Variants in MAX observed in about 807,000 individuals in gnomAD.
MAX encodes the protein MYC associated transcriptional regulator X.
A neutral mutation model predicts 22.3 loss-of-function variants in MAX; 3 were observed. The observed-to-expected ratio is 0.13, with a 90% CI of 0.06 to 0.35. The LOEUF is 0.35. Among genes scored for constraint, MAX ranks in the 10% least tolerant of loss-of-function variants. MAX has a pLI of 1.00. For missense variants in MAX, 119 were observed against 209.4 expected, an observed-to-expected ratio of 0.57 and a Z score of 2.66; for synonymous variants, 72 against 77.7, an observed-to-expected ratio of 0.93 and a Z score of 0.39.
chr14:65,061,017 CTAGA>C (rs774318033), intron 3 of MAX, among the ~76,000 whole-genome samples: 19 of 151,766 alleles, frequency 1.3e-4, no homozygotes, highest in Non-Finnish European at 2.1e-4. Flanking sequence ...GTCCCATGTA[CTAGA>C]TAGTTTTAGC....
rs1268190051 is a variant in MAX, at chr14:65,009,268, C to G, written c.172-2984G>C. Among the ~76,000 whole-genome samples, 1 of 152,110 alleles carries G rather than the reference C, an allele frequency of 6.6e-6. No homozygotes were observed. The highest frequency in any genetic ancestry group is 1.5e-5 in the Non-Finnish European group (1 of 68,014). On this transcript the variant is annotated intron_variant, in intron 3 of 3. Coordinates refer to the MAX transcript ENST00000341653. This position sits in a 1 kb window ranked among gnomAD's most constrained non-coding sequence, Gnocchi z 4.2. Reference sequence around the variant, plus strand: ...TTTCTGGAGGCCAGAAGTCTAAGACCAAGGTGTCAGCAGGCTTGGTTTCTC... The same window carrying G: ...TTTCTGGAGGCCAGAAGTCTAAGACGAAGGTGTCAGCAGGCTTGGTTTCTC...
At position 65,023,879 on chromosome 14, in the gene MAX, T is replaced by G. The variant is rs1311326528; in HGVS notation, c.172-17595A>C. On this transcript the variant is annotated intron_variant, in intron 3 of 3. Transcript: ENST00000341653. This position sits in a 1 kb window ranked among gnomAD's most constrained non-coding sequence, Gnocchi z 4.1. ...ACTTTGGGAGGCCAAGGCGGGCGGA[T>G]TGTCTGAGCTCGGGAGTTCGAGACC... 6.6e-6 allele frequency among the ~76,000 whole-genome samples: 1 copy of G among 152,110 alleles called. No individual in the cohort carries two copies. Among genetic ancestry groups the G allele is most frequent in the East Asian group, 1.9e-4 (1 of 5,192 alleles).
At chr14:65,051,456 C>T (rs571470855) in intron 3 of MAX, among the ~76,000 whole-genome samples, 13 of 151,982 alleles carry the variant, frequency 8.6e-5, no homozygotes, top group African/African-American at 2.9e-4. Flanking sequence ...ACTAAAAATA[C>T]AAGAATTAGC....
intron 3 of MAX, among the ~76,000 whole-genome samples, chr14:65,056,063 C>T (rs2062729564): frequency 6.6e-6 from 1 of 152,102 alleles, no homozygotes; most frequent in African/African-American, 2.4e-5. Flanking sequence ...TGTTTTTGTG[C>T]TATTGCTACA....
At chr14:65,064,234 T>C (rs1242178118) in intron 3 of MAX, among the ~76,000 whole-genome samples, 1 of 152,234 alleles carries the variant, frequency 6.6e-6, no homozygotes, top group Admixed American at 6.5e-5. Flanking sequence ...TAGTAAGGAT[T>C]GGACCAAGCA....
rs747874757 is a variant in MAX at position 65,076,611 on chromosome 14, G to T, written c.348C>A (p.Pro116=). The T allele has an allele frequency of 6.2e-7, 1 of 1,614,114 alleles. No homozygotes were observed. The highest frequency in any genetic ancestry group is 8.5e-7 in the Non-Finnish European group (1 of 1,180,014). ...RSSAQLQTNY[P]SSDNSLYTNA... Reference sequence around the variant, plus strand: ...TGGTGTAGAGGCTGTTGTCTGAGGAGGGGTAGTTGGTCTGCAGTTGGGCAC... The same window carrying T: ...TGGTGTAGAGGCTGTTGTCTGAGGATGGGTAGTTGGTCTGCAGTTGGGCAC... Residue 116 remains proline, a synonymous_variant, in exon 5 of 5, where the codon CCC becomes CCA. Transcript: ENST00000358664. The surrounding 1 kb of genome is among the most constrained non-coding windows in gnomAD (Gnocchi z 6.6).
At chr14:65,041,090 G>T (rs112995565) in intron 3 of MAX, among the ~76,000 whole-genome samples, 4 of 152,166 alleles carry the variant, frequency 2.6e-5, no homozygotes, top group African/African-American at 4.8e-5. Context: ...TCCCCCTTCT[G>T]CCTTTCTGTC....
At chr14:65,057,576 A>AGG (rs2062765793) in intron 3 of MAX, among the ~76,000 whole-genome samples, 1 of 152,234 alleles carries the variant, frequency 6.6e-6, no homozygotes, top group African/African-American at 2.4e-5. Context: ...AGACAAAAGG[A>AGG]GGCACACATT....
intron 3 of MAX, among the ~76,000 whole-genome samples, chr14:65,058,540 A>G (rs8007110): frequency 0.23 from 34,742 of 152,102 alleles, 7,253 homozygotes; most frequent in African/African-American, 0.56. Flanking sequence ...GCTCCTGATT[A>G]TAATGGGAAG....
chr14:65,082,915 G>A lies in MAX; in HGVS notation c.172-4879C>T, dbSNP rs1461474360. 6.6e-6 allele frequency among the ~76,000 whole-genome samples: 1 copy of A among 152,166 alleles called. No individual in the cohort carries two copies. The highest frequency in any genetic ancestry group is 1.5e-5 in the Non-Finnish European group (1 of 68,036). ...AAAGGAAAAGCCTCAAGATGCAAGCGAGCTTGAGAGAACTGACCTAACCAT... is the reference window on the plus strand; with the variant it reads ...AAAGGAAAAGCCTCAAGATGCAAGCAAGCTTGAGAGAACTGACCTAACCAT... On this transcript the variant is annotated intron_variant, in intron 3 of 4. Coordinates refer to ENST00000358664, the MANE Select transcript of MAX (RefSeq NM_002382.5). The surrounding 1 kb of genome is among the most constrained non-coding windows in gnomAD (Gnocchi z 4.8).
intron 3 of MAX, among the ~76,000 whole-genome samples, chr14:65,059,631 T>C (rs2062816057): frequency 6.6e-6 from 1 of 152,128 alleles, no homozygotes; most frequent in South Asian, 2.1e-4. Flanking sequence ...TCTCCTGCAG[T>C]TGTGTCCCCT....
intron 3 of MAX, among the ~76,000 whole-genome samples, chr14:65,064,818 A>G (rs907948769): frequency 6.6e-5 from 10 of 152,236 alleles, no homozygotes; most frequent in African/African-American, 2.2e-4. Flanking sequence ...TAGAGAGGCA[A>G]ATGGCCATTG....
chr14:65,064,163 A>G (rs1263092226), intron 3 of MAX, among the ~76,000 whole-genome samples: 1 of 152,204 alleles, frequency 6.6e-6, no homozygotes, highest in Non-Finnish European at 1.5e-5. Context: ...ATTATTGAGC[A>G]TTCTTCCATA....
At chr14:65,099,632 G>T (rs971773572) in intron 2 of MAX, among the ~76,000 whole-genome samples, 20 of 152,054 alleles carry the variant, frequency 1.3e-4, no homozygotes, top group African/African-American at 4.6e-4. Flanking sequence ...GCAAAGGAAG[G>T]CTAAACGATC....
chr14:65,010,561 C>T (rs1445926385), intron 3 of MAX, among the ~76,000 whole-genome samples: 1 of 152,204 alleles, frequency 6.6e-6, no homozygotes, highest in Non-Finnish European at 1.5e-5. Flanking sequence ...TGTCTCCCCA[C>T]CCCATCTGTC....
intron 3 of MAX, among the ~76,000 whole-genome samples, chr14:65,020,375 A>G (rs1190112552): frequency 6.6e-6 from 1 of 152,026 alleles, no homozygotes; most frequent in East Asian, 1.9e-4. Context: ...AGCCTCCCAA[A>G]ACACTGGGAT....
Position 65,062,827 on chromosome 14 carries a change from C to T in MAX, c.171+30881G>A, listed in dbSNP as rs920860719. On this transcript the variant is annotated intron_variant, in intron 3 of 3. Coordinates refer to the MAX transcript ENST00000341653. This position sits in a 1 kb window ranked among gnomAD's most constrained non-coding sequence, Gnocchi z 4.3. ...TGCCGTCTCCTCCAGTAGAGGAAGC[C>T]GTGGGCCTAACAGAGAGTGGGAAGA... is the stretch of plus-strand genomic sequence containing the variant. Among the ~76,000 whole-genome samples, 5 of 152,148 alleles carry T rather than the reference C, an allele frequency of 3.3e-5. No individual in the cohort carries two copies. Among genetic ancestry groups the T allele is most frequent in the Non-Finnish European group, 5.9e-5 (4 of 68,026 alleles).
At chr14:65,064,785 T>C (rs1213171940) in intron 3 of MAX, among the ~76,000 whole-genome samples, 2 of 152,240 alleles carry the variant, frequency 1.3e-5, no homozygotes, top group South Asian at 2.1e-4. Context: ...ATTAGGATTG[T>C]TGCCAAAGGG....
Position 65,014,478 on chromosome 14 carries a change from C to A in MAX, c.172-8194G>T, listed in dbSNP as rs2061735326. ...ATATGTCTGTCCAGTGCTCTCTTCC[C>A]CTACAGGTAACCACACACATTCTAT... On this transcript the variant is annotated intron_variant, in intron 3 of 3. Transcript: ENST00000341653. The surrounding 1 kb of genome is among the most constrained non-coding windows in gnomAD (Gnocchi z 5.1). Among the ~76,000 whole-genome samples the A allele has an allele frequency of 6.6e-6, 1 of 152,172 alleles. No homozygotes were observed.
Sources: allele counts gnomAD v4.1 joint callset (sites outside exome capture counted in the v4.1 genomes callset), GRCh38; gene constraint gnomAD v4.1.1; non-coding constraint Gnocchi (gnomAD v3.1); transcripts MANE v1.5; gene names NCBI Gene and HGNC (gene_info 2026-07-23, HGNC 2026-07-21).